Variants in SLC6A19 observed in about 807,000 individuals in gnomAD.
SLC6A19 encodes the protein sodium-dependent neutral amino acid transporter B(0)AT1.
In SLC6A19, 67 loss-of-function variants were observed where a neutral mutation model predicts 68.3. That is an observed-to-expected ratio of 0.98 (90% confidence interval 0.81 to 1.20). The LOEUF (loss-of-function observed/expected upper bound fraction) is 1.20, where lower values mean the gene tolerates loss of function less well. Among genes scored for constraint, SLC6A19 ranks in the 50% most tolerant of loss-of-function variants. The pLI is 0.00. For synonymous variants in SLC6A19, 392 were observed against 374.9 expected (o/e 1.05, Z -0.53); for missense variants, 813 against 851.6 (o/e 0.95, Z 0.56).
At chr5:1,216,404 G>A (rs570221134) in intron 6 of SLC6A19, among the ~76,000 whole-genome samples, 154 bp from the exon 7 acceptor site, 1 of 152,260 alleles carries the variant, frequency 6.6e-6, no homozygotes, top group East Asian at 1.9e-4. Context: ...TGCTCGGAGT[G>A]GGGCAGGGGC....
chr5:1,209,195 G>A lies in SLC6A19; in HGVS notation c.343+309G>A, dbSNP rs780405628. On this transcript the variant is annotated intron_variant, in intron 2 of 11. Coordinates refer to ENST00000304460, the MANE Select transcript of SLC6A19 (RefSeq NM_001003841.3). The surrounding 1 kb of genome is among the most constrained non-coding windows in gnomAD (Gnocchi z 5.5). ...AGCCCTGCCCATGGCGGCGCTCAGC[G>A]AGAGCCCAGGGCCCAGGAGGGGGCA... 2.6e-5 allele frequency among the ~76,000 whole-genome samples: 4 copies of A among 152,072 alleles called. No homozygotes were observed. Among genetic ancestry groups the A allele is most frequent in the Admixed American group, 6.5e-5 (1 of 15,286 alleles).
chr5:1,221,337 G>T, intron 11 of SLC6A19, 24 bp downstream of exon 11: 1 of 1,611,254 alleles, frequency 6.2e-7, no homozygotes, highest in East Asian at 2.2e-5. Flanking sequence ...CAGTCGCCTG[G>T]GGTGGGGAGA....
At chr5:1,218,572 C>T (rs1214731378) in intron 8 of SLC6A19, among the ~76,000 whole-genome samples, 3 of 152,204 alleles carry the variant, frequency 2.0e-5, no homozygotes, top group Non-Finnish European at 4.4e-5. Context: ...AGGTGACTCG[C>T]GTAACACCTT....
chr5:1,204,819 C>A (rs1193911754), intron 1 of SLC6A19, among the ~76,000 whole-genome samples: 1 of 152,236 alleles, frequency 6.6e-6, no homozygotes, highest in Non-Finnish European at 1.5e-5. Flanking sequence ...CGCCTGGCCC[C>A]GGGGTCAGCT....
chr5:1,219,590 T>C lies in SLC6A19; in HGVS notation c.1464T>C (p.Tyr488=), dbSNP rs201506901. The C allele has an allele frequency of 1.9e-6, 3 of 1,611,722 alleles. No individual in the cohort carries two copies. Among genetic ancestry groups the C allele is most frequent in the Non-Finnish European group, 2.5e-6 (3 of 1,180,026 alleles). Residue 488 remains tyrosine, a synonymous_variant, in exon 10 of 12, where the codon TAT becomes TAC. Transcript: ENST00000304460. ...ACTGGCTCTCCCTGCTGGACAGCTA[T>C]GCCGGCTCCATTCCCCTGCTCATCA... ...GQYWLSLLDS[Y]AGSIPLLIIA... is the part of the protein sequence containing the mutation.
At chr5:1,217,009 C>G in intron 8 of SLC6A19, 64 bp downstream of exon 8, 5 of 1,607,726 alleles carry the variant, frequency 3.1e-6, no homozygotes, top group Non-Finnish European at 3.4e-6. Context: ...CAGAGTCCGG[C>G]CACCCCTGGG....
At chr5:1,213,717 G>T in intron 5 of SLC6A19, 144 bp downstream of exon 5, 1 of 1,054,290 alleles carries the variant, frequency 9.5e-7, no homozygotes, top group Non-Finnish European at 1.4e-6. Flanking sequence ...GGTCCACGGG[G>T]CCAGCGAGGG....
intron 10 of SLC6A19, among the ~76,000 whole-genome samples, 184 bp from the exon 11 acceptor site, chr5:1,220,966 GC>G (rs1010450082): frequency 3.9e-5 from 6 of 152,300 alleles, no homozygotes; most frequent in African/African-American, 1.4e-4. Context: ...GCAGCTGCTG[GC>G]CGTGCCCACA....
rs1374854386 is a variant in SLC6A19 at position 1,203,525 on chromosome 5, C to T, written c.202+1673C>T. Among the ~76,000 whole-genome samples, 3 of 152,180 alleles carry T rather than the reference C, an allele frequency of 2.0e-5. No homozygotes were observed. The South Asian group carries it at 6.2e-4, about 32-fold the overall frequency. ...GTCCCACTCCTGGGGTGGACACCAGCAGGCCCTTCTCCCCAGACCCCAGAC... is the reference window on the plus strand; with the variant it reads ...GTCCCACTCCTGGGGTGGACACCAGTAGGCCCTTCTCCCCAGACCCCAGAC... On this transcript the variant is annotated intron_variant, in intron 1 of 11. Coordinates refer to ENST00000304460, the MANE Select transcript of SLC6A19 (RefSeq NM_001003841.3).
In SLC6A19 at chr5:1,219,109, T is replaced by C. The variant is rs201442532; in HGVS notation, c.1378+2T>C. On this transcript the variant is annotated splice_donor_variant, in intron 9 of 11. Coordinates refer to ENST00000304460, the MANE Select transcript of SLC6A19 (RefSeq NM_001003841.3). LOFTEE classifies it high-confidence loss of function. The stretch of plus-strand genomic sequence containing the variant: ...AGTGGCCCAAGGAGGTGCTCACAGG[T>C]ACGTGTGCAGTCGGGAGGGGTCCCC... The C allele has an allele frequency of 3.7e-6, 6 of 1,611,416 alleles. No individual in the cohort carries two copies. Among genetic ancestry groups the C allele is most frequent in the African/African-American group, 2.7e-5 (2 of 75,012 alleles).
rs368402106 is a variant in SLC6A19, at chr5:1,212,717, T to C, written c.663+233T>C. Among the ~76,000 whole-genome samples, 4 of 152,062 alleles carry C rather than the reference T, an allele frequency of 2.6e-5. No individual in the cohort carries two copies. In the East Asian group the frequency reaches 5.8e-4, roughly 22 times the overall value. The stretch of plus-strand genomic sequence containing the variant: ...GACTTGGGGCTCCAGGAACTTGACG[T>C]TGGCCCACACGACACTTAGCGTTAT... On this transcript the variant is annotated intron_variant, in intron 4 of 11. Coordinates refer to ENST00000304460, the MANE Select transcript of SLC6A19 (RefSeq NM_001003841.3). This position sits in a 1 kb window ranked among gnomAD's most constrained non-coding sequence, Gnocchi z 5.1.
rs769662523 is a variant in SLC6A19 at position 1,208,841 on chromosome 5, A to G, written c.298A>G (p.Ser100Gly). 7.4e-6 allele frequency: 12 copies of G among 1,612,884 alleles called. No homozygotes were observed. Among genetic ancestry groups the G allele is most frequent in the Admixed American group, 3.3e-5 (2 of 60,006 alleles). ...CATCGGGCAGCGGCTGCGGCGGGGC[A>G]GCCTGGGTGTGTGGAGCTCCATCCA... ...FAIGQRLRRG[S>G]LGVWSSIHPA... is the part of the protein sequence containing the mutation. Residue 100 changes from serine to glycine, a missense_variant, in exon 2 of 12, where the codon AGC (serine) becomes GGC (glycine). Ser to Gly is a moderately conservative substitution (Grantham distance 56, BLOSUM62 0). Coordinates refer to ENST00000304460, the MANE Select transcript of SLC6A19 (RefSeq NM_001003841.3).
chr5:1,201,744 C>G lies in SLC6A19; in HGVS notation c.94C>G (p.Arg32Gly). Residue 32 changes from arginine to glycine, a missense_variant, in exon 1 of 12, where the codon CGG becomes GGG. Transcript: ENST00000304460. The stretch of plus-strand genomic sequence containing the variant: ...CATCGAGCAGGAGGAGGCCAGCTCC[C>G]GGCCGAAGTGGGACAACAAGGCGCA... ...ETIEQEEASS[R>G]PKWDNKAQYM... 6.2e-7 allele frequency: 1 copy of G among 1,612,712 alleles called. No homozygotes were observed. Among genetic ancestry groups the G allele is most frequent in the Admixed American group, 1.7e-5 (1 of 60,014 alleles).
At chr5:1,205,481 C>T (rs1745828209) in intron 1 of SLC6A19, among the ~76,000 whole-genome samples, 1 of 152,110 alleles carries the variant, frequency 6.6e-6, no homozygotes, top group Admixed American at 6.5e-5. Context: ...AGCCTGAGCC[C>T]CAGGGGTTGG....
At chr5:1,216,439 A>G in intron 6 of SLC6A19, 119 bp from the exon 7 acceptor site, 4 of 1,455,624 alleles carry the variant, frequency 2.7e-6, no homozygotes, top group Non-Finnish European at 3.8e-6. Context: ...CGTGTCACTC[A>G]GTGGCTCAGC....
At position 1,212,361 on chromosome 5, in the gene SLC6A19, G is replaced by A. The variant is rs767533794; in HGVS notation, c.540G>A (p.Thr180=). 6.8e-6 allele frequency: 11 copies of A among 1,613,494 alleles called. No homozygotes were observed. Among genetic ancestry groups the A allele is most frequent in the Non-Finnish European group, 9.3e-6 (11 of 1,179,946 alleles). The stretch of plus-strand genomic sequence containing the variant: ...TGGACTACTTCTGGTACCGAGAGAC[G>A]CTCAACATCTCCACGTCCATCAGCG... ...SPVDYFWYRE[T]LNISTSISDS... The change falls in exon 4 of 12, where the codon ACG becomes ACA. Residue 180 remains threonine, a synonymous_variant. Coordinates refer to ENST00000304460, the MANE Select transcript of SLC6A19 (RefSeq NM_001003841.3). This position sits in a 1 kb window ranked among gnomAD's most constrained non-coding sequence, Gnocchi z 5.1.
In SLC6A19 at chr5:1,221,904, A is replaced by T; in HGVS notation, c.1905A>T (p.Ter635CysextTer129). Residue 635 changes from the stop codon to cysteine (C), a stop_lost, in exon 12 of 12, where the codon TGA becomes TGT. Transcript: ENST00000304460. ...TASMNGDLKY[*>C] ...CCATGAACGGGGACCTGAAGTACTGAGAAGGCCCATCCCACGGCGTGCCAT... is the reference window on the plus strand; with the variant it reads ...CCATGAACGGGGACCTGAAGTACTGTGAAGGCCCATCCCACGGCGTGCCAT... The T allele has an allele frequency of 2.5e-6, 4 of 1,613,672 alleles. No homozygotes were observed. The East Asian group carries it at 8.9e-5, about 36-fold the overall frequency.
At chr5:1,204,901 A>G (rs2126492199) in intron 1 of SLC6A19, among the ~76,000 whole-genome samples, 1 of 133,742 alleles carries the variant, frequency 7.5e-6, no homozygotes, top group South Asian at 2.4e-4. Flanking sequence ...CACAAACACC[A>G]CCTGCTGGAG....
At chr5:1,221,355 G>A in intron 11 of SLC6A19, 42 bp downstream of exon 11, 1 of 1,607,262 alleles carries the variant, frequency 6.2e-7, no homozygotes, top group Non-Finnish European at 8.5e-7. Context: ...AGAGGAATGG[G>A]GAAGGGGAAA....
Sources: gnomAD v4.1 joint callset for allele counts (sites outside exome capture counted in the v4.1 genomes callset) on GRCh38, gnomAD v4.1.1 for gene constraint, Gnocchi (gnomAD v3.1) non-coding constraint, MANE v1.5 for transcripts, NCBI Gene and HGNC (gene_info 2026-07-23, HGNC 2026-07-21) for gene names.